Variants in DLG2 observed in about 807,000 individuals in gnomAD.
The protein encoded by DLG2 is discs large MAGUK scaffold protein 2.
Under a neutral mutation model 132.5 loss-of-function variants are expected in DLG2, and 45 were observed. That is an observed-to-expected ratio of 0.34 (90% CI 0.27 to 0.44). DLG2 has a LOEUF of 0.44. Among genes scored for constraint, DLG2 ranks in the 20% least tolerant of loss-of-function variants. The pLI is 1.00. For synonymous variants in DLG2, 424 were observed against 419.6 expected, an observed-to-expected ratio of 1.01 and a Z score of -0.13; for missense variants, 1,045 against 1,196.9, an observed-to-expected ratio of 0.87 and a Z score of 1.87.
chr11:85,054,849 C>A (rs1372884006), intron 6 of DLG2, among the ~76,000 whole-genome samples: 4 of 152,104 alleles, frequency 2.6e-5, no homozygotes, highest in African/African-American at 9.7e-5. Flanking sequence ...ATAATAGACA[C>A]TGAGGACTAC....
intron 6 of DLG2, among the ~76,000 whole-genome samples, chr11:84,876,807 C>G: frequency 6.6e-6 from 1 of 152,116 alleles, no homozygotes; most frequent in Non-Finnish European, 1.5e-5. Flanking sequence ...CCTGCTTTCT[C>G]CAGTGGGCAT....
At chr11:84,967,981 A>G (rs1485726538) in intron 6 of DLG2, among the ~76,000 whole-genome samples, 1 of 152,200 alleles carries the variant, frequency 6.6e-6, no homozygotes, top group African/African-American at 2.4e-5. Context: ...AATGGAAACC[A>G]TATTGTTAGA....
intron 7 of DLG2, among the ~76,000 whole-genome samples, chr11:84,425,935 G>A (rs1237356878): frequency 6.6e-6 from 1 of 152,094 alleles, no homozygotes; most frequent in South Asian, 2.1e-4. Context: ...TTTTCCAAAT[G>A]CCATCCTGTT....
intron 11 of DLG2, among the ~76,000 whole-genome samples, chr11:84,045,881 G>T: frequency 6.6e-6 from 1 of 151,512 alleles, no homozygotes; most frequent in East Asian, 1.9e-4. Flanking sequence ...ATGTCTGAAG[G>T]GCTCTCTTGT....
intron 18 of DLG2, among the ~76,000 whole-genome samples, chr11:83,778,629 A>T (rs1042036759): frequency 6.6e-6 from 1 of 152,176 alleles, no homozygotes; most frequent in Non-Finnish European, 1.5e-5. Context: ...AAGATGCACC[A>T]TTCCCAGGAT....
intron 6 of DLG2, among the ~76,000 whole-genome samples, chr11:84,554,234 A>T (rs1267454616): frequency 6.6e-6 from 1 of 152,204 alleles, no homozygotes; most frequent in African/African-American, 2.4e-5. Context: ...CAAAATTAAC[A>T]ATCACAGTGA....
chr11:85,343,151 A>G (rs2082610512), intron 3 of DLG2, among the ~76,000 whole-genome samples: 1 of 152,148 alleles, frequency 6.6e-6, no homozygotes, highest in Admixed American at 6.5e-5. Context: ...GGCTTTGTCC[A>G]AACCAGTACA....
At chr11:84,331,451 A>AT (rs71465008) in intron 7 of DLG2, among the ~76,000 whole-genome samples, 124 of 119,528 alleles carry the variant, frequency 1.0e-3, no homozygotes, top group African/African-American at 3.2e-3. Flanking sequence ...CAAAAAAAAA[A>AT]AAAAAAAAAA....
chr11:83,920,701 ATCCTTATAGG>A lies in DLG2; in HGVS notation c.1496+9617_1496+9626del, dbSNP rs528744241. On this transcript the variant is annotated intron_variant, in intron 15 of 27. Transcript: ENST00000376104. ...AGCACTTTATATAAAACCTCTTGAA[ATCCTTATAGG>A]TACCCCATGAGATTGATACTACAAT... Among the ~76,000 whole-genome samples the A allele has an allele frequency of 2.5e-3, 376 of 152,292 alleles. 2 individuals carry two copies. The highest frequency in any genetic ancestry group is 0.018 in the South Asian group (87 of 4,832).
intron 6 of DLG2, among the ~76,000 whole-genome samples, chr11:84,570,833 T>A (rs2099480420): frequency 6.6e-6 from 1 of 152,218 alleles, no homozygotes; most frequent in Non-Finnish European, 1.5e-5. Flanking sequence ...GTCTTAAAAT[T>A]AATTTGTCAA....
intron 6 of DLG2, among the ~76,000 whole-genome samples, chr11:84,906,316 G>A (rs1027711433): frequency 6.8e-6 from 1 of 146,400 alleles, no homozygotes. Flanking sequence ...ATGGGCACAT[G>A]TGTGTGACAG....
intron 15 of DLG2, among the ~76,000 whole-genome samples, chr11:83,876,961 T>C (rs942921420): frequency 1.3e-5 from 2 of 152,146 alleles, no homozygotes; most frequent in Non-Finnish European, 2.9e-5. Flanking sequence ...TTGGGTGATG[T>C]TTACGGCTTT....
intron 6 of DLG2, among the ~76,000 whole-genome samples, chr11:84,995,335 A>C (rs186663777): frequency 1.2e-3 from 187 of 152,290 alleles, no homozygotes; most frequent in African/African-American, 4.3e-3. Flanking sequence ...TCCACCACTT[A>C]CTAAGATACA....
intron 14 of DLG2, among the ~76,000 whole-genome samples, chr11:83,960,581 G>A (rs1408006350): frequency 6.6e-6 from 1 of 151,732 alleles, no homozygotes; most frequent in Non-Finnish European, 1.5e-5. Context: ...AAACTTCATG[G>A]AGGGGGTTCT....
intron 6 of DLG2, among the ~76,000 whole-genome samples, chr11:85,023,451 T>G (rs1184315646): frequency 6.6e-6 from 1 of 152,110 alleles, no homozygotes; most frequent in Non-Finnish European, 1.5e-5. Flanking sequence ...GTCATTTTGG[T>G]GCACAATTGC....
intron 18 of DLG2, among the ~76,000 whole-genome samples, chr11:83,768,213 T>G (rs780166848): frequency 1.3e-5 from 2 of 152,306 alleles, no homozygotes; most frequent in Admixed American, 6.5e-5. Context: ...CTCAGCAACA[T>G]CTTTTATATA....
At chr11:84,904,145 G>T (rs1431147178) in intron 6 of DLG2, among the ~76,000 whole-genome samples, 6 of 152,066 alleles carry the variant, frequency 3.9e-5, no homozygotes, top group African/African-American at 1.4e-4. Context: ...CTTGATAAGA[G>T]TATAGAAATC....
chr11:84,836,171 A>T (rs1043047621), intron 6 of DLG2, among the ~76,000 whole-genome samples: 2 of 151,838 alleles, frequency 1.3e-5, no homozygotes, highest in African/African-American at 4.8e-5. Context: ...ATTGGTAATT[A>T]ATTGTACAAT....
rs149176925 is a variant in DLG2, at chr11:84,985,895, G to C, written c.357+125766C>G. 2.5e-3 allele frequency among the ~76,000 whole-genome samples: 380 copies of C among 150,194 alleles called. 1 individual carries two copies. Among genetic ancestry groups the C allele is most frequent in the African/African-American group, 8.7e-3 (356 of 40,864 alleles). On this transcript the variant is annotated intron_variant, in intron 6 of 27. Transcript: ENST00000376104. ...TAACCCCAGCTGCTCAGGAGGGTGG[G>C]GCAGGAGAATCACTTGAATCCGGGA...
Sources: allele counts gnomAD v4.1 joint callset (sites outside exome capture counted in the v4.1 genomes callset), GRCh38; gene constraint gnomAD v4.1.1; transcripts MANE v1.5; gene names NCBI Gene and HGNC (gene_info 2026-07-23, HGNC 2026-07-21).